The following GPATCH2 variants were observed in gnomAD, a reference collection of about 807,000 sequenced individuals.
GPATCH2 encodes G-patch domain containing 2, also known as G patch domain-containing protein 2.
A neutral mutation model predicts 58.0 loss-of-function variants in GPATCH2; 51 were observed. The ratio of observed to expected loss-of-function variants is 0.88; its 90% CI spans 0.70 to 1.11. GPATCH2 has a LOEUF of 1.11. Among genes scored for constraint, GPATCH2 ranks in the 50% most tolerant of loss-of-function variants. The pLI, the probability that GPATCH2 is intolerant of heterozygous loss-of-function variation, is 0.00. For missense variants in GPATCH2, 625 were observed against 652.2 expected (o/e 0.96, Z 0.45); for synonymous variants, 222 against 218.5 (o/e 1.02, Z -0.14).
chr1:217,544,394 A>AAAAC (rs1664921589), intron 5 of GPATCH2, among the ~76,000 whole-genome samples: 1 of 147,806 alleles, frequency 6.8e-6, no homozygotes, highest in African/African-American at 2.7e-5. Context: ...CTCTGTTCCA[A>AAAAC]AAACAAACAA....
intron 5 of GPATCH2, among the ~76,000 whole-genome samples, chr1:217,538,123 T>C (rs1012613439): frequency 9.2e-5 from 14 of 152,114 alleles, no homozygotes; most frequent in African/African-American, 3.4e-4. Context: ...TTTAAAAAAA[T>C]AAAGTTTGAA....
chr1:217,478,619 C>T (rs1661071800), intron 8 of GPATCH2, among the ~76,000 whole-genome samples: 1 of 151,906 alleles, frequency 6.6e-6, no homozygotes. Context: ...AACAATGAAG[C>T]ACACCTACAG....
chr1:217,546,249 C>G (rs1571895825), intron 5 of GPATCH2, among the ~76,000 whole-genome samples: 2 of 152,088 alleles, frequency 1.3e-5, no homozygotes, highest in Admixed American at 6.6e-5. Flanking sequence ...AAATGCTATT[C>G]CTATTAAACT....
chr1:217,526,686 T>C (rs374067241), intron 5 of GPATCH2, among the ~76,000 whole-genome samples: 72 of 152,322 alleles, frequency 4.7e-4, no homozygotes, highest in African/African-American at 1.5e-3. Context: ...CTTATTAGCT[T>C]TACCTTGATA....
At position 217,446,064 on chromosome 1, in the gene GPATCH2, G is replaced by A. The variant is rs182583673; in HGVS notation, c.1366+3185C>T. Among the ~76,000 whole-genome samples the A allele has an allele frequency of 1.1e-3, 164 of 151,982 alleles. 1 individual carries two copies. Among genetic ancestry groups the A allele is most frequent in the Admixed American group, 2.0e-3 (30 of 15,268 alleles). ...TTTTTGGTAAATCCTTTCTAAACTC[G>A]CTGTTTGATTATATAATATTTCACA... On this transcript the variant is annotated intron_variant, in intron 9 of 9. Transcript: ENST00000366935.
intron 8 of GPATCH2, among the ~76,000 whole-genome samples, chr1:217,477,218 T>A (rs1661006213): frequency 6.6e-6 from 1 of 151,980 alleles, no homozygotes; most frequent in Admixed American, 6.5e-5. Flanking sequence ...GGGCCCTGTA[T>A]AACAAGCAGC....
intron 5 of GPATCH2, among the ~76,000 whole-genome samples, chr1:217,594,561 A>G (rs1300445959): frequency 6.6e-6 from 1 of 152,158 alleles, no homozygotes; most frequent in Non-Finnish European, 1.5e-5. Flanking sequence ...TATTTAATCT[A>G]TATATAAAAC....
intron 5 of GPATCH2, among the ~76,000 whole-genome samples, chr1:217,571,243 C>T (rs1666522977): frequency 2.6e-5 from 4 of 152,156 alleles, no homozygotes; most frequent in Admixed American, 2.0e-4. Flanking sequence ...CATACACACA[C>T]TCTCTCTTTC....
chr1:217,605,634 G>T (rs1262698870), intron 5 of GPATCH2, among the ~76,000 whole-genome samples: 1 of 152,182 alleles, frequency 6.6e-6, no homozygotes, highest in East Asian at 1.9e-4. Context: ...CAATTTGAAT[G>T]CGGATTTTCA....
chr1:217,612,773 C>G (rs1437034656), intron 3 of GPATCH2, among the ~76,000 whole-genome samples: 1 of 152,148 alleles, frequency 6.6e-6, no homozygotes, highest in Non-Finnish European at 1.5e-5. Context: ...TAAGAACTTG[C>G]TCTGAAATCA....
chr1:217,450,597 T>A (rs967340780), intron 8 of GPATCH2, among the ~76,000 whole-genome samples: 1 of 152,092 alleles, frequency 6.6e-6, no homozygotes, highest in Admixed American at 6.5e-5. Flanking sequence ...TGAGCATTTG[T>A]CTAGTTTTCT....
intron 9 of GPATCH2, among the ~76,000 whole-genome samples, chr1:217,436,648 A>C (rs1331009977): frequency 6.6e-6 from 1 of 152,208 alleles, no homozygotes; most frequent in Non-Finnish European, 1.5e-5. Flanking sequence ...ACACATTTGG[A>C]TAACGTAGAA....
chr1:217,574,262 G>A (rs1211379018), intron 5 of GPATCH2, among the ~76,000 whole-genome samples: 13 of 152,114 alleles, frequency 8.5e-5, no homozygotes, highest in Admixed American at 8.5e-4. Flanking sequence ...CAGTTGCAAT[G>A]GGCTTATTTT....
intron 5 of GPATCH2, among the ~76,000 whole-genome samples, chr1:217,522,094 T>C (rs1663493101): frequency 6.6e-6 from 1 of 152,246 alleles, no homozygotes; most frequent in African/African-American, 2.4e-5. Context: ...TTAGCAATTA[T>C]GTTTTTAACG....
chr1:217,619,790 T>C lies in GPATCH2; in HGVS notation c.766A>G (p.Ser256Gly), dbSNP rs1312217262. 3 of 1,506,432 alleles carry C rather than the reference T, an allele frequency of 2.0e-6. No homozygotes were observed. The highest frequency in any genetic ancestry group is 2.7e-6 in the Non-Finnish European group (3 of 1,101,350). The allele number at this position is 1,506,432 out of a possible 1,614,324, so 93.3% of individuals were successfully genotyped here. Residue 256 changes from serine to glycine, a missense_variant, in exon 2 of 10, where the codon AGT becomes GGT. Coordinates refer to ENST00000366935, the MANE Select transcript of GPATCH2 (RefSeq NM_018040.5). ...AGAGAATATAAAAGTCACCTTTCACTCATGAGCTCATCTGAGACTTTTTGC... is the reference window on the plus strand; with the variant it reads ...AGAGAATATAAAAGTCACCTTTCACCCATGAGCTCATCTGAGACTTTTTGC... ...EEQKVSDELM[S>G]ESDSSSLSST...
At chr1:217,513,363 A>G (rs1662949778) in intron 6 of GPATCH2, among the ~76,000 whole-genome samples, 1 of 152,178 alleles carries the variant, frequency 6.6e-6, no homozygotes, top group Non-Finnish European at 1.5e-5. Context: ...TTGAATGCAT[A>G]GGCCACTATA....
intron 5 of GPATCH2, chr1:217,609,893 A>C: frequency 2.8e-6 from 3 of 1,082,368 alleles, no homozygotes; most frequent in Non-Finnish European, 3.4e-6. Context: ...TAAAAAAAAA[A>C]CCATAAAAGA....
At chr1:217,567,845 G>A (rs943494183) in intron 5 of GPATCH2, among the ~76,000 whole-genome samples, 12 of 152,202 alleles carry the variant, frequency 7.9e-5, no homozygotes, top group South Asian at 2.1e-4. Context: ...GGCCAGGCGT[G>A]GTGGCTCACG....
intron 8 of GPATCH2, among the ~76,000 whole-genome samples, chr1:217,452,941 C>A (rs1159580255): frequency 1.3e-5 from 2 of 152,146 alleles, no homozygotes; most frequent in Non-Finnish European, 1.5e-5. Context: ...GATTATTGAT[C>A]CATAAGATCA....
Sources: gnomAD v4.1 joint callset for allele counts (sites outside exome capture counted in the v4.1 genomes callset) on GRCh38, gnomAD v4.1.1 for gene constraint, MANE v1.5 for transcripts, NCBI Gene and HGNC (gene_info 2026-07-23, HGNC 2026-07-21) for gene names.